Variants in FBXO11 observed in about 807,000 individuals in gnomAD.
FBXO11 encodes the protein F-box only protein 11.
A neutral mutation model predicts 117.0 loss-of-function variants in FBXO11; 13 were observed. The ratio of observed to expected loss-of-function variants is 0.11; its 90% CI spans 0.07 to 0.18. FBXO11 has a LOEUF of 0.18. Among genes scored for constraint, FBXO11 ranks in the 10% least tolerant of loss-of-function variants. The pLI is 1.00. For missense variants in FBXO11, 767 were observed against 1,164.4 expected, an observed-to-expected ratio of 0.66 and a Z score of 4.97; for synonymous variants, 490 against 380.5, an observed-to-expected ratio of 1.29 and a Z score of -3.35.
intron 1 of FBXO11, among the ~76,000 whole-genome samples, chr2:47,864,347 G>T (rs1675030828): frequency 6.6e-6 from 1 of 152,204 alleles, no homozygotes; most frequent in African/African-American, 2.4e-5. Context: ...CAGCAGTTTG[G>T]GAGGCCAGGG....
chr2:47,875,753 C>G (rs1050402378), intron 1 of FBXO11, among the ~76,000 whole-genome samples: 2 of 152,150 alleles, frequency 1.3e-5, no homozygotes, highest in African/African-American at 4.8e-5. Context: ...ATAGTTGGCA[C>G]TGCTCTAAAA....
chr2:47,813,735 G>C (rs1572765989), intron 17 of FBXO11, 56 bp downstream of exon 17: 2 of 1,448,252 alleles, frequency 1.4e-6, no homozygotes, highest in Non-Finnish European at 1.9e-6. Context: ...GCCCGGCCTA[G>C]AAGGTGTATT....
intron 1 of FBXO11, among the ~76,000 whole-genome samples, chr2:47,870,129 A>G (rs1675515596): frequency 6.6e-6 from 1 of 152,230 alleles, no homozygotes; most frequent in South Asian, 2.1e-4. Flanking sequence ...GTTCATCTGT[A>G]CCATCAGCTC....
At chr2:47,884,845 G>A (rs1450280758) in intron 1 of FBXO11, among the ~76,000 whole-genome samples, 5 of 152,062 alleles carry the variant, frequency 3.3e-5, no homozygotes, top group African/African-American at 1.2e-4. Context: ...TAACTCTTGT[G>A]AATTAAATTC....
intron 16 of FBXO11, among the ~76,000 whole-genome samples, chr2:47,814,678 C>G (rs538510127): frequency 1.3e-5 from 2 of 152,248 alleles, no homozygotes; most frequent in East Asian, 3.9e-4. Flanking sequence ...TGCACCTGAC[C>G]AACTGGCAAT....
intron 1 of FBXO11, among the ~76,000 whole-genome samples, chr2:47,903,907 T>C (rs1334278944): frequency 6.6e-6 from 1 of 152,336 alleles, no homozygotes; most frequent in African/African-American, 2.4e-5. Flanking sequence ...TTTTAAAATT[T>C]ACCCCCAAAA....
At chr2:47,825,631 G>A (rs1362149449) in intron 11 of FBXO11, among the ~76,000 whole-genome samples, 1 of 142,380 alleles carries the variant, frequency 7.0e-6, no homozygotes, top group African/African-American at 2.6e-5. Flanking sequence ...CTGGGTTGGA[G>A]TGCAAGGGTG....
At chr2:47,857,381 A>G (rs1674381861) in intron 1 of FBXO11, among the ~76,000 whole-genome samples, 1 of 152,058 alleles carries the variant, frequency 6.6e-6, no homozygotes, top group South Asian at 2.1e-4. Flanking sequence ...TCAGCCTCCC[A>G]AAGTGTTGGG....
chr2:47,865,022 A>C (rs1675087966), intron 1 of FBXO11, among the ~76,000 whole-genome samples: 1 of 152,202 alleles, frequency 6.6e-6, no homozygotes, highest in African/African-American at 2.4e-5. Flanking sequence ...AAATTTTCTT[A>C]AACTAAAAAT....
chr2:47,832,304 A>G, intron 11 of FBXO11, 45 bp downstream of exon 11: 2 of 1,503,050 alleles, frequency 1.3e-6, no homozygotes, highest in Non-Finnish European at 1.8e-6. Context: ...TTGGAATTTA[A>G]CTGATACAGA....
At chr2:47,833,344 T>C (rs1572807628) in intron 7 of FBXO11, among the ~76,000 whole-genome samples, 1 of 152,304 alleles carries the variant, frequency 6.6e-6, no homozygotes. Flanking sequence ...AATGGTTTCT[T>C]GTGGAAACCA....
At chr2:47,875,434 G>A (rs938036182) in intron 1 of FBXO11, among the ~76,000 whole-genome samples, 4 of 151,248 alleles carry the variant, frequency 2.6e-5, no homozygotes, top group African/African-American at 4.9e-5. Context: ...TGAGAAAACT[G>A]AAAAATGACT....
chr2:47,836,119 G>A (rs1034018086), intron 4 of FBXO11, 118 bp from the exon 5 acceptor site: 1 of 606,502 alleles, frequency 1.6e-6, no homozygotes. Context: ...AGTAAGAATA[G>A]ACAAAAATGA....
intron 1 of FBXO11, among the ~76,000 whole-genome samples, chr2:47,843,404 A>C (rs1005318598): frequency 6.6e-6 from 1 of 150,928 alleles, no homozygotes; most frequent in Non-Finnish European, 1.5e-5. Flanking sequence ...AAATGTGCTG[A>C]AATCTCCCAC....
Position 47,874,739 on chromosome 2 carries a change from T to C in FBXO11, c.232+30750A>G, listed in dbSNP as rs183010727. Among the ~76,000 whole-genome samples the C allele has an allele frequency of 2.4e-3, 359 of 152,242 alleles. 2 individuals are homozygous for C. Among genetic ancestry groups the C allele is most frequent in the Non-Finnish European group, 4.0e-3 (270 of 67,994 alleles). ...TAGTAGAGATGGGATTTCACCATGT[T>C]GGCCAGCCTGGTCTCTAACTCCTGG... On this transcript the variant is annotated intron_variant, in intron 1 of 22. Transcript: ENST00000403359.
At chr2:47,873,622 T>G (rs914603847) in intron 1 of FBXO11, among the ~76,000 whole-genome samples, 1 of 152,216 alleles carries the variant, frequency 6.6e-6, no homozygotes, top group African/African-American at 2.4e-5. Flanking sequence ...TTGGCATGAT[T>G]TGGCTTATTT....
Position 47,860,400 on chromosome 2 carries a change from T to C in FBXO11, c.233-20631A>G, listed in dbSNP as rs189810823. On this transcript the variant is annotated intron_variant, in intron 1 of 22. Coordinates refer to ENST00000403359, the MANE Select transcript of FBXO11 (RefSeq NM_001190274.2). The stretch of plus-strand genomic sequence containing the variant: ...TTCAATCCTTAGCCTTAAGAATTAT[T>C]TTACCCTGGATTTTTTTTTTTTTTT... 5.1e-3 allele frequency among the ~76,000 whole-genome samples: 777 copies of C among 151,534 alleles called. 3 individuals are homozygous for C. The highest frequency in any genetic ancestry group is 0.018 in the African/African-American group (746 of 41,294).
chr2:47,843,666 T>A (rs1361028698), intron 1 of FBXO11, among the ~76,000 whole-genome samples: 1 of 152,208 alleles, frequency 6.6e-6, no homozygotes, highest in East Asian at 1.9e-4. Flanking sequence ...TTTGTGTCAG[T>A]CTAGTATTTT....
chr2:47,824,899 C>G (rs547293650), intron 11 of FBXO11, among the ~76,000 whole-genome samples: 1 of 152,182 alleles, frequency 6.6e-6, no homozygotes. Context: ...TGTGCTTACT[C>G]TCTTTCCTCT....
Sources: gnomAD v4.1 joint callset for allele counts (sites outside exome capture counted in the v4.1 genomes callset) on GRCh38, gnomAD v4.1.1 for gene constraint, MANE v1.5 for transcripts, NCBI Gene and HGNC (gene_info 2026-07-23, HGNC 2026-07-21) for gene names.